ASIC2: variants seen among roughly 807,000 people sequenced by gnomAD.
ASIC2 encodes the protein acid sensing ion channel subunit 2.
In ASIC2, 25 loss-of-function variants were observed where a neutral mutation model predicts 57.3. The observed-to-expected ratio is 0.44, with a 90% confidence interval of 0.32 to 0.61. ASIC2 has a LOEUF of 0.61. Among genes scored for constraint, ASIC2 ranks in the 20% least tolerant of loss-of-function variants. The pLI is 0.06. For missense variants in ASIC2, 641 were observed against 738.1 expected (o/e 0.87, Z 1.52); for synonymous variants, 319 against 307.5 (o/e 1.04, Z -0.39).
chr17:34,020,388 T>G (rs185895375), intron 1 of ASIC2, among the ~76,000 whole-genome samples: 1 of 152,288 alleles, frequency 6.6e-6, no homozygotes, highest in Admixed American at 6.5e-5. Context: ...CTGCCCCAGA[T>G]CCAAGTTCAA....
At chr17:33,343,042 T>C (rs1907792179) in intron 1 of ASIC2, among the ~76,000 whole-genome samples, 1 of 152,182 alleles carries the variant, frequency 6.6e-6, no homozygotes, top group Non-Finnish European at 1.5e-5. Context: ...GCAACAGGTC[T>C]GAAGGATAAG....
intron 2 of ASIC2, among the ~76,000 whole-genome samples, chr17:33,105,597 C>T (rs563142249): frequency 1.3e-5 from 2 of 152,246 alleles, no homozygotes; most frequent in African/African-American, 4.8e-5. Flanking sequence ...GGGTAACAGG[C>T]AGCAGTTGGA....
intron 1 of ASIC2, among the ~76,000 whole-genome samples, chr17:33,497,206 C>T (rs965280758): frequency 1.3e-5 from 2 of 152,250 alleles, no homozygotes; most frequent in Non-Finnish European, 2.9e-5. Flanking sequence ...GAATGGACAG[C>T]TTCCCTAGCC....
intron 1 of ASIC2, among the ~76,000 whole-genome samples, chr17:33,424,305 C>A (rs1911143280): frequency 6.6e-6 from 1 of 152,194 alleles, no homozygotes; most frequent in Non-Finnish European, 1.5e-5. Flanking sequence ...TAAATAATGT[C>A]CAGCTGTCAG....
intron 1 of ASIC2, among the ~76,000 whole-genome samples, chr17:34,122,753 G>T (rs1389778180): frequency 2.6e-5 from 4 of 152,204 alleles, no homozygotes; most frequent in Non-Finnish European, 5.9e-5. Context: ...CCCACACCTT[G>T]TTGGAGGCAA....
At chr17:34,044,267 C>T (rs1279985892) in intron 1 of ASIC2, among the ~76,000 whole-genome samples, 3 of 152,022 alleles carry the variant, frequency 2.0e-5, no homozygotes, top group Admixed American at 6.6e-5. Flanking sequence ...AATTGCTTAG[C>T]GTAATTATAT....
At chr17:33,982,032 GCTAA>G (rs1489501121) in intron 1 of ASIC2, among the ~76,000 whole-genome samples, 7 of 152,178 alleles carry the variant, frequency 4.6e-5, no homozygotes, top group African/African-American at 1.4e-4. Context: ...ATCCAGAGCA[GCTAA>G]CTAAGATGCT....
In ASIC2 at chr17:33,244,865, T is replaced by C. The variant is rs148647771; in HGVS notation, c.708+46543A>G. On this transcript the variant is annotated intron_variant, in intron 1 of 9. Transcript: ENST00000225823. ...ACCTGTTAAAACAAGGTGGCACATG[T>C]TGGGAGTAAGAGGAACAGGATAGGG... is the stretch of plus-strand genomic sequence containing the variant. Among the ~76,000 whole-genome samples, 331 of 152,316 alleles carry C rather than the reference T, an allele frequency of 2.2e-3. 2 individuals carry two copies. The highest frequency in any genetic ancestry group is 2.9e-4 in the Non-Finnish European group (20 of 68,032).
At chr17:33,186,010 T>C (rs1906177951) in intron 1 of ASIC2, among the ~76,000 whole-genome samples, 1 of 152,194 alleles carries the variant, frequency 6.6e-6, no homozygotes, top group African/African-American at 2.4e-5. Context: ...AGAGTAAATA[T>C]CTTATTAGGT....
At chr17:33,663,308 C>G (rs1415672855) in intron 1 of ASIC2, among the ~76,000 whole-genome samples, 1 of 152,150 alleles carries the variant, frequency 6.6e-6, no homozygotes, top group Non-Finnish European at 1.5e-5. Flanking sequence ...TTGCCTCCCT[C>G]TAAGATCATA....
At chr17:33,116,257 T>C (rs1482441097) in intron 1 of ASIC2, among the ~76,000 whole-genome samples, 1 of 152,200 alleles carries the variant, frequency 6.6e-6, no homozygotes, top group Non-Finnish European at 1.5e-5. Context: ...TCCTCTCTGC[T>C]AAACATCAAA....
chr17:33,515,154 G>A (rs1347655946), intron 1 of ASIC2, among the ~76,000 whole-genome samples: 1 of 152,242 alleles, frequency 6.6e-6, no homozygotes. Context: ...GGAGGGAAGT[G>A]CACAGGGCAG....
intron 2 of ASIC2, among the ~76,000 whole-genome samples, chr17:33,091,114 G>A (rs578121427): frequency 3.9e-5 from 6 of 152,304 alleles, no homozygotes; most frequent in African/African-American, 1.4e-4. Context: ...TCAGTCCAGG[G>A]CTCCATCACC....
intron 1 of ASIC2, among the ~76,000 whole-genome samples, chr17:33,343,769 A>G (rs560596782): frequency 2.8e-4 from 42 of 152,022 alleles, no homozygotes; most frequent in Non-Finnish European, 5.6e-4. Flanking sequence ...TAATTCTTGA[A>G]CCAACTCTGG....
intron 1 of ASIC2, among the ~76,000 whole-genome samples, chr17:33,418,024 A>ATATATGTG (rs772080220): frequency 9.1e-6 from 1 of 110,248 alleles, no homozygotes; most frequent in Non-Finnish European, 2.2e-5. Context: ...CTCAGCATGT[A>ATATATGTG]TGTATGTGTG....
At chr17:33,379,087 T>C (rs1909384447) in intron 1 of ASIC2, among the ~76,000 whole-genome samples, 1 of 152,154 alleles carries the variant, frequency 6.6e-6, no homozygotes, top group Non-Finnish European at 1.5e-5. Flanking sequence ...TGAGATAACA[T>C]ATGGGAAGCA....
intron 1 of ASIC2, among the ~76,000 whole-genome samples, chr17:33,645,566 GCT>G (rs1485222864): frequency 6.6e-6 from 1 of 152,172 alleles, no homozygotes; most frequent in East Asian, 1.9e-4. Context: ...GGAGCCCTGA[GCT>G]CTCTTTCTTA....
At chr17:33,404,901 C>T (rs1006591296) in intron 1 of ASIC2, among the ~76,000 whole-genome samples, 1 of 152,094 alleles carries the variant, frequency 6.6e-6, no homozygotes, top group Non-Finnish European at 1.5e-5. Flanking sequence ...ATAGCAAGTA[C>T]CCTATAGAAT....
At chr17:33,675,314 G>A (rs1000620215) in intron 1 of ASIC2, among the ~76,000 whole-genome samples, 1 of 152,174 alleles carries the variant, frequency 6.6e-6, no homozygotes, top group South Asian at 2.1e-4. Context: ...GTGTGTTGTA[G>A]GAATGTGAGA....
Sources: allele counts gnomAD v4.1 joint callset (sites outside exome capture counted in the v4.1 genomes callset), GRCh38; gene constraint gnomAD v4.1.1; transcripts MANE v1.5; gene names NCBI Gene and HGNC (gene_info 2026-07-23, HGNC 2026-07-21).